Variants in MIDEAS observed in about 807,000 individuals in gnomAD.
The protein encoded by MIDEAS is mitotic deacetylase-associated SANT domain protein.
MIDEAS carries 26 observed loss-of-function variants against 102.7 expected under a neutral mutation model. That is an observed-to-expected ratio of 0.25 (90% CI 0.19 to 0.35). The LOEUF (loss-of-function observed/expected upper bound fraction) is 0.35. Ranked by LOEUF, MIDEAS falls within the 10% of genes least tolerant of loss-of-function variation. The pLI is 1.00. For synonymous variants in MIDEAS, 585 were observed against 591.0 expected (o/e 0.99, Z 0.15); for missense variants, 1,231 against 1,435.6 (o/e 0.86, Z 2.30).
At chr14:73,776,437 A>G (rs1373343997) in intron 1 of MIDEAS, among the ~76,000 whole-genome samples, 2 of 150,882 alleles carry the variant, frequency 1.3e-5, no homozygotes, top group Non-Finnish European at 1.5e-5. Flanking sequence ...TCATCCCAAC[A>G]TTTTGGGAGG....
intron 1 of MIDEAS, among the ~76,000 whole-genome samples, chr14:73,780,935 T>TA (rs2053749819): frequency 7.7e-6 from 1 of 129,766 alleles, no homozygotes; most frequent in Admixed American, 8.6e-5. Flanking sequence ...TAGTTTTTTT[T>TA]GTTTTTTTGT....
chr14:73,743,960 C>T (rs2053316553), intron 1 of MIDEAS, among the ~76,000 whole-genome samples: 1 of 151,770 alleles, frequency 6.6e-6, no homozygotes, highest in East Asian at 1.9e-4. Context: ...GACAAGGCAA[C>T]AATCAAGACC....
At position 73,729,875 on chromosome 14, in the gene MIDEAS, G is replaced by A. The variant is rs1451369054; in HGVS notation, c.1860C>T (p.Ala620=). 3 of 1,613,602 alleles carry A rather than the reference G, an allele frequency of 1.9e-6. No homozygotes were observed. The highest frequency in any genetic ancestry group is 3.3e-5 in the Admixed American group (2 of 60,006). Residue 620 remains alanine (A), a synonymous_variant, in exon 4 of 13, where the codon GCC becomes GCT. Transcript: ENST00000423556. ...IIPTKAGTFI[A]PPVYSNITPY... ...GGGTGATGTTGGAGTAGACGGGAGGGGCGATGAAAGTGCCCGCCTTGGTGG... is the reference window on the plus strand; with the variant it reads ...GGGTGATGTTGGAGTAGACGGGAGGAGCGATGAAAGTGCCCGCCTTGGTGG...
intron 3 of MIDEAS, among the ~76,000 whole-genome samples, chr14:73,733,920 A>C (rs9788459): frequency 0.82 from 124,283 of 151,678 alleles, 51,375 homozygotes; most frequent in East Asian, 0.94. Context: ...GTCTTGAACT[A>C]CTGGCCTTGT....
intron 9 of MIDEAS, chr14:73,724,092 G>A (rs1328430945): frequency 6.6e-6 from 1 of 152,232 alleles, no homozygotes. Context: ...ATGGGGTTAA[G>A]TAAGACTAGA....
intron 1 of MIDEAS, among the ~76,000 whole-genome samples, chr14:73,770,222 G>A (rs1048199489): frequency 6.6e-6 from 1 of 152,096 alleles, no homozygotes; most frequent in East Asian, 1.9e-4. Flanking sequence ...AAATATGTCA[G>A]GTGAACTTAT....
chr14:73,740,484 CTT>C lies in MIDEAS; in HGVS notation c.-247-231_-247-230del, dbSNP rs144471163. Among the ~76,000 whole-genome samples the C allele has an allele frequency of 4.3e-3, 660 of 152,322 alleles. 2 individuals carry two copies. Among genetic ancestry groups the C allele is most frequent in the African/African-American group, 0.015 (636 of 41,564 alleles). On this transcript the variant is annotated intron_variant, in intron 1 of 12. Coordinates refer to ENST00000423556, the MANE Select transcript of MIDEAS (RefSeq NM_001367710.1). ...GCATCTCCCAGGGCACTGTGACTCT[CTT>C]GTCCCACCACCTCACCCTCCTGGTT...
At chr14:73,789,256 C>G (rs2053847132), upstream of MIDEAS, 1 of 152,096 alleles carries the variant, frequency 6.6e-6, no homozygotes, top group Admixed American at 6.6e-5. Flanking sequence ...GGCTTCCATA[C>G]TGGGTCCTCT....
intron 4 of MIDEAS, 64 bp from the exon 5 acceptor site, chr14:73,727,588 G>A: frequency 6.8e-7 from 1 of 1,467,650 alleles, no homozygotes; most frequent in Non-Finnish European, 9.3e-7. Flanking sequence ...CCCAATCCTA[G>A]TGGCTGCCCT....
Position 73,717,400 on chromosome 14 carries a change from G to C in MIDEAS, c.*1443C>G, listed in dbSNP as rs1206823585. ...ATGGCTTCTTCAAGCCAGAATCCAG[G>C]CCCCATAAACCAAACTAGAATTCTG... On this transcript the variant is annotated 3_prime_UTR_variant, in exon 13 of 13. Coordinates refer to ENST00000423556, the MANE Select transcript of MIDEAS (RefSeq NM_001367710.1). 1 of 152,176 alleles carries C rather than the reference G, an allele frequency of 6.6e-6. No homozygotes were observed. The highest frequency in any genetic ancestry group is 1.5e-5 in the Non-Finnish European group (1 of 68,034). 9.4% of individuals were successfully genotyped at this position (152,176 alleles called of 1,614,324 possible).
chr14:73,771,956 G>A (rs2053645969), intron 1 of MIDEAS, among the ~76,000 whole-genome samples: 1 of 152,266 alleles, frequency 6.6e-6, no homozygotes, highest in African/African-American at 2.4e-5. Flanking sequence ...GGGGCCTGAA[G>A]TAAGAGGCAG....
intron 1 of MIDEAS, among the ~76,000 whole-genome samples, chr14:73,786,295 A>C (rs2053808239): frequency 6.6e-6 from 1 of 152,180 alleles, no homozygotes; most frequent in African/African-American, 2.4e-5. Flanking sequence ...GGGCGACGGG[A>C]ACCACCGTCA....
At chr14:73,763,900 C>G (rs10133047), upstream of MIDEAS, among the ~76,000 whole-genome samples, 1 of 152,104 alleles carries the variant, frequency 6.6e-6, no homozygotes, top group African/African-American at 2.4e-5. Context: ...GAAAGGATGC[C>G]CACCTTCCAG....
intron 1 of MIDEAS, among the ~76,000 whole-genome samples, chr14:73,767,958 A>C (rs2053605962): frequency 6.6e-6 from 1 of 152,166 alleles, no homozygotes; most frequent in Admixed American, 6.5e-5. Flanking sequence ...CAGGACTTCA[A>C]GACCAGCCTG....
At position 73,726,115 on chromosome 14, in the gene MIDEAS, G is replaced by A. The variant is rs1425567000; in HGVS notation, c.2410-7C>T. 4.4e-6 allele frequency: 7 copies of A among 1,581,660 alleles called. No individual in the cohort carries two copies. Among genetic ancestry groups the A allele is most frequent in the Non-Finnish European group, 5.2e-6 (6 of 1,163,860 alleles). The stretch of plus-strand genomic sequence containing the variant: ...GCAGCTTATTCAGCGTTTCCTGGAG[G>A]GGAAGTGAGGGAAGGGTCAGGGCAC... On this transcript the variant is annotated splice_polypyrimidine_tract_variant and splice_region_variant and intron_variant, in intron 7 of 12. Transcript: ENST00000423556.
At chr14:73,757,286 A>AAAAAAAAAAAAAAAAAAAAAAAAAAAAC (rs1324860254) in intron 1 of MIDEAS, among the ~76,000 whole-genome samples, 1 of 150,236 alleles carries the variant, frequency 6.7e-6, no homozygotes, top group Non-Finnish European at 1.5e-5. Context: ...AACCAAAAAA[A>AAAAAAAAAAAAAAAAAAAAAAAAAAAAC]AAAAAAAACA....
rs866140237 is a variant in MIDEAS at position 73,739,827 on chromosome 14, G to A, written c.182C>T (p.Pro61Leu). The change falls in exon 2 of 13, where the codon CCT (proline) becomes CTT (leucine). Residue 61 changes from proline to leucine, a missense_variant. Physicochemically the swap from Pro to Leu is moderately conservative, Grantham distance 98. Coordinates refer to ENST00000423556, the MANE Select transcript of MIDEAS (RefSeq NM_001367710.1). ...GPGGAVSTSQ[P>L]VELPPPSSLA... ...GCTGCTAGGAGGGGGCAGTTCCACAGGCTGAGAGGTGGAGACTGCCCCTCC... is the reference window on the plus strand; with the variant it reads ...GCTGCTAGGAGGGGGCAGTTCCACAAGCTGAGAGGTGGAGACTGCCCCTCC... 6.2e-7 allele frequency: 1 copy of A among 1,610,752 alleles called. No homozygotes were observed. Among genetic ancestry groups the A allele is most frequent in the Non-Finnish European group, 8.5e-7 (1 of 1,177,928 alleles).
upstream of MIDEAS, among the ~76,000 whole-genome samples, chr14:73,761,978 A>G (rs1566604829): frequency 6.6e-6 from 1 of 152,192 alleles, no homozygotes; most frequent in Non-Finnish European, 1.5e-5. Context: ...GCTCCTGGCA[A>G]AGGATCAGGG....
At chr14:73,770,738 G>T (rs1017209162) in intron 1 of MIDEAS, among the ~76,000 whole-genome samples, 10 of 152,112 alleles carry the variant, frequency 6.6e-5, no homozygotes, top group African/African-American at 2.2e-4. Flanking sequence ...CTCTTTGTGG[G>T]CTAGCCTAGG....
Sources: allele counts gnomAD v4.1 joint callset (sites outside exome capture counted in the v4.1 genomes callset), GRCh38; gene constraint gnomAD v4.1.1; transcripts MANE v1.5; gene names NCBI Gene and HGNC (gene_info 2026-07-23, HGNC 2026-07-21).